Variants in SUCLA2 observed in about 807,000 individuals in gnomAD.
The protein encoded by SUCLA2 is succinate-CoA ligase ADP-forming subunit beta.
Under a neutral mutation model 54.8 loss-of-function variants are expected in SUCLA2, and 30 were observed. The ratio of observed to expected loss-of-function variants is 0.55; its 90% CI spans 0.41 to 0.74. SUCLA2 has a LOEUF of 0.74. Ranked by LOEUF, SUCLA2 falls within the 30% of genes least tolerant of loss-of-function variation. The probability of loss-of-function intolerance (pLI) is 0.00; values close to 1 mark genes in which losing one functional copy is unlikely to be tolerated. For missense variants in SUCLA2, 476 were observed against 562.9 expected, an observed-to-expected ratio of 0.85 and a Z score of 1.56; for synonymous variants, 172 against 188.9, an observed-to-expected ratio of 0.91 and a Z score of 0.74.
chr13:47,975,170 T>A (rs4942726), intron 4 of SUCLA2, among the ~76,000 whole-genome samples: 1 of 150,486 alleles, frequency 6.6e-6, no homozygotes, highest in Non-Finnish European at 1.5e-5. Context: ...CTTTTCTTTT[T>A]TTTTTTTTTA....
In SUCLA2 at chr13:47,968,693, G is replaced by A. The variant is rs1343877623; in HGVS notation, c.704C>T (p.Ser235Leu). The change falls in exon 6 of 11, where the codon TCA becomes TTA. Residue 235 changes from serine to leucine, a missense_variant. Ser to Leu is a moderately radical substitution (Grantham distance 145). Coordinates refer to ENST00000646932, the MANE Select transcript of SUCLA2 (RefSeq NM_003850.3). ...AAGCTTGACCATGTTTTCTGCTGCT[G>A]ATTCCACAATATTAGGTGGAAATCC... ...KMGFPPNIVE[S>L]AAENMVKLYS... The A allele has an allele frequency of 1.2e-6, 2 of 1,612,082 alleles. No homozygotes were observed. The highest frequency in any genetic ancestry group is 1.7e-6 in the Non-Finnish European group (2 of 1,179,892).
At chr13:47,969,136 A>C (rs933912836) in intron 5 of SUCLA2, among the ~76,000 whole-genome samples, 1 of 152,156 alleles carries the variant, frequency 6.6e-6, no homozygotes, top group African/African-American at 2.4e-5. Flanking sequence ...AATTTGAAAG[A>C]CTGAGGGGCC....
chr13:47,988,587 G>C lies in SUCLA2; in HGVS notation c.488C>G (p.Pro163Arg). The change falls in exon 4 of 11, where the codon CCC (proline) becomes CGC (arginine). Residue 163 changes from proline to arginine, a missense_variant. Physicochemically the swap from Pro to Arg is moderately radical, Grantham distance 103 (BLOSUM62 -2). Around this residue, in one of 2 missense-constraint regions of SUCLA2, gnomAD observed 342 missense variants for 444.2 expected, o/e 0.77. Transcript: ENST00000646932. ...NQVLVCERKYPRREYYFAITM... is the reference protein window; with the variant it reads ...NQVLVCERKYRRREYYFAITM... ...TATTGCAAAGTAGTATTCTCTCCTGGGATATTTTCGCTCACAGACCAATAC... is the reference window on the plus strand; with the variant it reads ...TATTGCAAAGTAGTATTCTCTCCTGCGATATTTTCGCTCACAGACCAATAC... 7.4e-6 allele frequency: 12 copies of C among 1,613,718 alleles called. No homozygotes were observed. The highest frequency in any genetic ancestry group is 8.5e-6 in the Non-Finnish European group (10 of 1,179,922).
At chr13:47,965,877 T>A (rs1369318955) in intron 6 of SUCLA2, among the ~76,000 whole-genome samples, 1 of 152,106 alleles carries the variant, frequency 6.6e-6, no homozygotes, top group Non-Finnish European at 1.5e-5. Context: ...TGAAACCCCA[T>A]CTCTACTAAA....
intron 8 of SUCLA2, among the ~76,000 whole-genome samples, chr13:47,950,118 C>T (rs1479687632): frequency 6.6e-6 from 1 of 152,192 alleles, no homozygotes; most frequent in East Asian, 1.9e-4. Context: ...AGAAATACTG[C>T]CTGTAACATA....
At chr13:47,954,664 GTTAC>G (rs1949804874) in intron 6 of SUCLA2, 107 bp from the exon 7 acceptor site, 7 of 1,155,256 alleles carry the variant, frequency 6.1e-6, no homozygotes, top group African/African-American at 1.6e-5. Flanking sequence ...TTTTAATTTT[GTTAC>G]TTAATGAAAA....
At chr13:47,998,911 TAAA>T (rs921202656) in intron 1 of SUCLA2, among the ~76,000 whole-genome samples, 3 of 152,140 alleles carry the variant, frequency 2.0e-5, no homozygotes, top group Admixed American at 2.0e-4. Context: ...AAAATAATAA[TAAA>T]AATTAGTGGG....
At chr13:47,999,247 A>G (rs1593507070) in intron 1 of SUCLA2, among the ~76,000 whole-genome samples, 2 of 152,214 alleles carry the variant, frequency 1.3e-5, no homozygotes, top group East Asian at 3.8e-4. Context: ...AATCTAAACT[A>G]TATATATTCA....
At chr13:47,999,436 G>C (rs560459233) in intron 1 of SUCLA2, among the ~76,000 whole-genome samples, 2 of 152,144 alleles carry the variant, frequency 1.3e-5, no homozygotes, top group Non-Finnish European at 2.9e-5. Context: ...GGCCGGGTGC[G>C]GTGGCTCAAG....
intron 6 of SUCLA2, 88 bp downstream of exon 6, chr13:47,968,507 T>C (rs1173504726): frequency 5.1e-5 from 76 of 1,494,032 alleles, no homozygotes; most frequent in Non-Finnish European, 1.3e-5. Context: ...GAAGTTTAAC[T>C]ACTTTAACTT....
intron 5 of SUCLA2, among the ~76,000 whole-genome samples, chr13:47,970,447 GTAACTACC>G (rs1268381468): frequency 1.3e-5 from 2 of 151,942 alleles, no homozygotes; most frequent in Non-Finnish European, 2.9e-5. Flanking sequence ...TCATCTTCAC[GTAACTACC>G]TAATAAATCA....
intron 4 of SUCLA2, among the ~76,000 whole-genome samples, chr13:47,986,197 AT>A (rs1349059337): frequency 1.3e-5 from 2 of 151,672 alleles, no homozygotes; most frequent in African/African-American, 2.4e-5. Context: ...TGCCCAACTA[AT>A]TTTTTTATTT....
chr13:47,985,000 C>T (rs993533401), intron 4 of SUCLA2, among the ~76,000 whole-genome samples: 1 of 152,120 alleles, frequency 6.6e-6, no homozygotes, highest in South Asian at 2.1e-4. Flanking sequence ...AAGTACCCAA[C>T]AGGCACTAGG....
chr13:47,993,656 A>G (rs1437360383), intron 2 of SUCLA2, among the ~76,000 whole-genome samples: 1 of 152,212 alleles, frequency 6.6e-6, no homozygotes, highest in Non-Finnish European at 1.5e-5. Context: ...CCACCACAGG[A>G]CTGGGAAGAA....
intron 10 of SUCLA2, among the ~76,000 whole-genome samples, chr13:47,944,861 G>A (rs1476830039): frequency 6.6e-6 from 1 of 152,114 alleles, no homozygotes; most frequent in East Asian, 1.9e-4. Context: ...GGGGGCTCAT[G>A]CTTGTAATCC....
intron 6 of SUCLA2, among the ~76,000 whole-genome samples, chr13:47,966,092 T>C (rs1949916285): frequency 6.6e-6 from 1 of 152,176 alleles, no homozygotes; most frequent in Non-Finnish European, 1.5e-5. Flanking sequence ...AGAAGAACAA[T>C]GTCTCCAACT....
chr13:47,990,474 T>C (rs1216630600), intron 2 of SUCLA2, among the ~76,000 whole-genome samples: 1 of 152,040 alleles, frequency 6.6e-6, no homozygotes, highest in Non-Finnish European at 1.5e-5. Context: ...AAAAGAGTAA[T>C]ACCTCTTAGA....
intron 6 of SUCLA2, among the ~76,000 whole-genome samples, chr13:47,967,742 G>A (rs1949930800): frequency 6.6e-6 from 1 of 151,768 alleles, no homozygotes; most frequent in African/African-American, 2.4e-5. Flanking sequence ...TACTTGGGAG[G>A]CTGAGGCAGA....
chr13:47,972,742 G>A (rs1949977973), intron 5 of SUCLA2, among the ~76,000 whole-genome samples: 1 of 146,370 alleles, frequency 6.8e-6, no homozygotes, highest in Non-Finnish European at 1.5e-5. Context: ...TAATGGTATA[G>A]TGACTCTTTT....
Sources: allele counts gnomAD v4.1 joint callset (sites outside exome capture counted in the v4.1 genomes callset), GRCh38; gene constraint gnomAD v4.1.1; regional missense constraint gnomAD v4.1.1; transcripts MANE v1.5; gene names NCBI Gene and HGNC (gene_info 2026-07-23, HGNC 2026-07-21).